ACTN1: variants seen among roughly 807,000 people sequenced by gnomAD.
The protein encoded by ACTN1 is alpha-actinin-1.
A neutral mutation model predicts 119.6 loss-of-function variants in ACTN1; 30 were observed. The ratio of observed to expected loss-of-function variants is 0.25; its 90% CI spans 0.19 to 0.34. ACTN1 has a LOEUF of 0.34. ACTN1 is among the 10% of genes least tolerant of loss of function. The probability of loss-of-function intolerance (pLI) is 1.00; values close to 1 mark genes in which losing one functional copy is unlikely to be tolerated. For missense variants in ACTN1, 764 were observed against 1,223.4 expected (o/e 0.62, Z 5.60); for synonymous variants, 429 against 472.6 (o/e 0.91, Z 1.20).
chr14:68,940,982 T>C (rs1361667793), intron 1 of ACTN1, among the ~76,000 whole-genome samples: 5 of 152,192 alleles, frequency 3.3e-5, no homozygotes, highest in African/African-American at 1.2e-4. Context: ...TCCTTGGGCA[T>C]AGTGACTGGG....
intron 11 of ACTN1, chr14:68,886,277 C>A (rs578035963): frequency 1.3e-5 from 2 of 152,204 alleles, no homozygotes; most frequent in African/African-American, 2.4e-5. Flanking sequence ...CTGGTATGCT[C>A]GGCCCATCTC....
Position 68,877,206 on chromosome 14 carries a change from A to G in ACTN1, c.2462T>C (p.Val821Ala). 1 of 1,614,202 alleles carries G rather than the reference A, an allele frequency of 6.2e-7. No homozygotes were observed. The highest frequency in any genetic ancestry group is 8.5e-7 in the Non-Finnish European group (1 of 1,180,040). Residue 821 changes from valine to alanine, a missense_variant, in exon 21 of 22, where the codon GTG becomes GCG. Physicochemically the swap from Val to Ala is moderately conservative, Grantham distance 64. Coordinates refer to ENST00000394419, the MANE Select transcript of ACTN1 (RefSeq NM_001130004.2). ...CACTACCCCCAGGCGGTTGGGGTCC[A>G]CAATGCTCATGATGCGGGCAAATTC... ...EAEFARIMSI[V>A]DPNRLGVVTF... is the part of the protein sequence containing the mutation.
Position 68,978,962 on chromosome 14 carries a change from T to A in ACTN1, c.95A>T (p.Gln32Leu). ...GGGGCGGCTGCTAACCTTTCTCTGC[T>A]GCTTCTCCCAGGCCGGGTCCAGGAG... ...DLLLDPAWEK[Q>L]QRKTFTAWCN... is the part of the protein sequence containing the mutation. The change falls in exon 1 of 22, where the codon CAG becomes CTG. Residue 32 changes from glutamine to leucine, a missense_variant. Physicochemically the swap from Gln to Leu is moderately radical, Grantham distance 113. Coordinates refer to ENST00000394419, the MANE Select transcript of ACTN1 (RefSeq NM_001130004.2). The A allele has an allele frequency of 6.3e-7, 1 of 1,597,954 alleles. No individual in the cohort carries two copies.
chr14:68,898,731 C>T (rs61985075), intron 8 of ACTN1, among the ~76,000 whole-genome samples: 21,462 of 151,950 alleles, frequency 0.14, 1,679 homozygotes, highest in African/African-American at 0.21. Flanking sequence ...CATGAGAGGA[C>T]GACCACCACT....
intron 9 of ACTN1, among the ~76,000 whole-genome samples, chr14:68,893,096 CAA>C (rs1371108722): frequency 6.6e-6 from 1 of 152,084 alleles, no homozygotes; most frequent in African/African-American, 2.4e-5. Flanking sequence ...GCAGATCCAC[CAA>C]GAGGCTGGGC....
chr14:68,961,549 G>A (rs531626739), intron 1 of ACTN1, among the ~76,000 whole-genome samples: 3 of 152,208 alleles, frequency 2.0e-5, no homozygotes, highest in African/African-American at 7.2e-5. Flanking sequence ...GCCACACGGG[G>A]CACAGGGCGC....
At chr14:68,888,383 C>G (rs117365912) in intron 11 of ACTN1, 2 of 255,672 alleles carry the variant, frequency 7.8e-6, no homozygotes, top group African/African-American at 4.5e-5. Context: ...GAGCTGGACC[C>G]GACAGAAGCA....
At chr14:68,917,836 C>G (rs1298783106) in intron 3 of ACTN1, among the ~76,000 whole-genome samples, 1 of 152,160 alleles carries the variant, frequency 6.6e-6, no homozygotes, top group Non-Finnish European at 1.5e-5. Flanking sequence ...GAGGCTGAGG[C>G]TGGCGGATCA....
intron 3 of ACTN1, among the ~76,000 whole-genome samples, chr14:68,915,495 A>T (rs2034242550): frequency 6.6e-6 from 1 of 152,302 alleles, no homozygotes; most frequent in East Asian, 1.9e-4. Context: ...AAGCCCCTTG[A>T]GGGTAAGAAT....
At chr14:68,926,110 A>G (rs988652355) in intron 1 of ACTN1, among the ~76,000 whole-genome samples, 2 of 152,224 alleles carry the variant, frequency 1.3e-5, no homozygotes, top group Non-Finnish European at 2.9e-5. Context: ...GTAAATTAGT[A>G]TATTAAATCC....
Position 68,885,715 on chromosome 14 carries a change from G to A in ACTN1, c.1235-140C>T, listed in dbSNP as rs946728617. ...GTGCCCATTGTGCAGGGATCTGCAG[G>A]GTGCAAAAGCAGATGTGCAACTAGA... On this transcript the variant is annotated intron_variant, in intron 11 of 21. Coordinates refer to ENST00000394419, the MANE Select transcript of ACTN1 (RefSeq NM_001130004.2). The surrounding 1 kb of genome is among the most constrained non-coding windows in gnomAD (Gnocchi z 5.6). 2.0e-6 allele frequency: 2 copies of A among 1,016,718 alleles called. No homozygotes were observed. The highest frequency in any genetic ancestry group is 3.0e-4 in the Middle Eastern group (1 of 3,320). The allele number at this position is 1,016,718 out of a possible 1,614,324, so 63.0% of individuals were successfully genotyped here.
chr14:68,888,668 G>A (rs2032226545), intron 11 of ACTN1, among the ~76,000 whole-genome samples: 1 of 152,162 alleles, frequency 6.6e-6, no homozygotes, highest in Middle Eastern at 3.2e-3. Flanking sequence ...AGCAGGAGGT[G>A]AGCCAGCAGG....
intron 4 of ACTN1, 132 bp downstream of exon 4, chr14:68,912,024 A>G: frequency 1.4e-6 from 1 of 734,340 alleles, no homozygotes; most frequent in Non-Finnish European, 2.3e-6. Context: ...GCTGATGCCC[A>G]ATAAATGAGC....
intron 1 of ACTN1, among the ~76,000 whole-genome samples, chr14:68,969,316 A>G (rs982465234): frequency 6.6e-6 from 1 of 152,212 alleles, no homozygotes; most frequent in African/African-American, 2.4e-5. Flanking sequence ...CCAGTATCCG[A>G]GATGAAGGAC....
chr14:68,895,843 T>A (rs544932334), intron 8 of ACTN1, among the ~76,000 whole-genome samples: 6 of 152,188 alleles, frequency 3.9e-5, no homozygotes, highest in Admixed American at 6.5e-5. Flanking sequence ...GCCTCGCCCA[T>A]CCCCAAGAGC....
chr14:68,917,011 C>T (rs745610712), intron 3 of ACTN1, among the ~76,000 whole-genome samples: 17 of 152,142 alleles, frequency 1.1e-4, no homozygotes, highest in Non-Finnish European at 2.4e-4. Context: ...CATGCTACCT[C>T]ACTGAGCCCA....
At chr14:68,904,217 C>A (rs566983031) in intron 7 of ACTN1, among the ~76,000 whole-genome samples, 222 of 152,162 alleles carry the variant, frequency 1.5e-3, no homozygotes, top group Non-Finnish European at 2.4e-3. Flanking sequence ...CCCAGCCAGC[C>A]CCAGTCAGAG....
intron 13 of ACTN1, 126 bp from the exon 14 acceptor site, chr14:68,884,434 C>CTTGT: frequency 2.6e-6 from 3 of 1,144,092 alleles, no homozygotes; most frequent in Non-Finnish European, 3.7e-6. Flanking sequence ...AAAGAACAAG[C>CTTGT]TCTTCCTGCC....
intron 1 of ACTN1, among the ~76,000 whole-genome samples, chr14:68,932,513 C>CTTTTTT (rs753725900): frequency 1.1e-5 from 1 of 87,300 alleles, no homozygotes; most frequent in South Asian, 6.4e-4. Flanking sequence ...ATACACCCAG[C>CTTTTTT]TTTTTTTTTT....
Sources: gnomAD v4.1 joint callset for allele counts (sites outside exome capture counted in the v4.1 genomes callset) on GRCh38, gnomAD v4.1.1 for gene constraint, Gnocchi (gnomAD v3.1) non-coding constraint, MANE v1.5 for transcripts, NCBI Gene and HGNC (gene_info 2026-07-23, HGNC 2026-07-21) for gene names.